MTA3: variants seen among roughly 807,000 people sequenced by gnomAD.
MTA3 encodes the protein metastasis associated 1 family member 3.
A neutral mutation model predicts 83.5 loss-of-function variants in MTA3; 34 were observed. That is an observed-to-expected ratio of 0.41 (90% CI 0.31 to 0.54). The LOEUF (loss-of-function observed/expected upper bound fraction) is 0.54, where lower values mean the gene tolerates loss of function less well. MTA3 is among the 20% of genes least tolerant of loss of function. The pLI is 0.33. For synonymous variants in MTA3, 303 were observed against 252.7 expected, an observed-to-expected ratio of 1.20 and a Z score of -1.89; for missense variants, 761 against 726.4, an observed-to-expected ratio of 1.05 and a Z score of -0.55.
In MTA3 at chr2:42,722,953, C is replaced by G; in HGVS notation, c.1677C>G (p.Thr559=). 2 of 1,551,170 alleles carry G rather than the reference C, an allele frequency of 1.3e-6. No individual in the cohort carries two copies. The highest frequency in any genetic ancestry group is 1.4e-5 in the African/African-American group (1 of 73,160). The part of the protein sequence containing the change: ...RSTPSLQTPT[T]KRMLTTPNHT... ...CACCAAGCCTGCAAACCCCAACTAC[C>G]AAGCGGATGCTAACAACTCCAAATC... The change falls in exon 16 of 17, where the codon ACC becomes ACG. Residue 559 remains threonine, a synonymous_variant. Coordinates refer to ENST00000405094, the MANE Select transcript of MTA3 (RefSeq NM_001330442.2).
At chr2:42,577,091 T>TAAAA (rs1173783991) in intron 2 of MTA3, among the ~76,000 whole-genome samples, 2,524 of 18,806 alleles carry the variant, frequency 0.13, 234 homozygotes, top group Admixed American at 0.22. Flanking sequence ...GTACTCCATC[T>TAAAA]AAAAAAAAAA....
intron 3 of MTA3, among the ~76,000 whole-genome samples, chr2:42,599,116 C>T (rs529337628): frequency 6.6e-6 from 1 of 152,296 alleles, no homozygotes; most frequent in African/African-American, 2.4e-5. Flanking sequence ...CATATCCTTT[C>T]AGTGTACCTC....
At chr2:42,653,277 C>T (rs1178545132) in intron 6 of MTA3, among the ~76,000 whole-genome samples, 2 of 151,932 alleles carry the variant, frequency 1.3e-5, no homozygotes, top group African/African-American at 4.8e-5. Context: ...TGGAATTGCC[C>T]AGATTATCAT....
chr2:42,649,959 G>A (rs540814850), intron 6 of MTA3, among the ~76,000 whole-genome samples: 38 of 152,258 alleles, frequency 2.5e-4, no homozygotes, highest in African/African-American at 8.9e-4. Flanking sequence ...GTTTTATTAT[G>A]ATTGTTACTT....
At chr2:42,723,186 A>C (rs753640651) in intron 16 of MTA3, 151 bp downstream of exon 16, 4 of 962,470 alleles carry the variant, frequency 4.2e-6, no homozygotes, top group Middle Eastern at 4.8e-4. Flanking sequence ...ATACAGCCAT[A>C]TGCCACATTT....
chr2:42,743,653 G>A (rs1669198188), intron 16 of MTA3, among the ~76,000 whole-genome samples: 2 of 152,316 alleles, frequency 1.3e-5, no homozygotes, highest in South Asian at 4.1e-4. Flanking sequence ...GGTATCTAAT[G>A]TAGATGACTC....
Position 42,656,184 on chromosome 2 carries a change from A to G in MTA3, c.500-16A>G. On this transcript the variant is annotated splice_polypyrimidine_tract_variant and intron_variant, in intron 6 of 16. Coordinates refer to ENST00000405094, the MANE Select transcript of MTA3 (RefSeq NM_001330442.2). ...CTTGTCAGTAACAAGACTCCATTTT[A>G]TTTATTTTTGGACAGGAGAATCAGA... The G allele has an allele frequency of 1.3e-6, 2 of 1,593,312 alleles. No individual in the cohort carries two copies. The highest frequency in any genetic ancestry group is 1.7e-6 in the Non-Finnish European group (2 of 1,161,684).
intron 8 of MTA3, among the ~76,000 whole-genome samples, chr2:42,668,119 C>T (rs1690463322): frequency 1.3e-5 from 2 of 152,154 alleles, no homozygotes; most frequent in African/African-American, 4.8e-5. Flanking sequence ...AGTGCAGCCA[C>T]ACTATGAGTT....
rs1038224338 is a variant in MTA3, at chr2:42,756,210, C to T, written c.*2811C>T. The T allele has an allele frequency of 4.7e-6, 1 of 211,584 alleles. No homozygotes were observed. Among genetic ancestry groups the T allele is most frequent in the Non-Finnish European group, 8.2e-6 (1 of 122,396 alleles). 13.1% of individuals were successfully genotyped at this position (211,584 alleles called of 1,614,324 possible). On this transcript the variant is annotated 3_prime_UTR_variant, in exon 17 of 17. Coordinates refer to ENST00000405094, the MANE Select transcript of MTA3 (RefSeq NM_001330442.2). ...CGTCACCAGAGCCTGGGGCCAAGGCCACTGGGGGACCTGCCACACTGTGGA... is the reference window on the plus strand; with the variant it reads ...CGTCACCAGAGCCTGGGGCCAAGGCTACTGGGGGACCTGCCACACTGTGGA...
intron 16 of MTA3, among the ~76,000 whole-genome samples, chr2:42,728,787 C>T (rs541054419): frequency 6.6e-6 from 1 of 152,084 alleles, no homozygotes; most frequent in Non-Finnish European, 1.5e-5. Flanking sequence ...CACCTTTTGC[C>T]CATTTTTAAT....
chr2:42,621,276 C>A (rs932511351), intron 4 of MTA3, among the ~76,000 whole-genome samples: 1 of 152,154 alleles, frequency 6.6e-6, no homozygotes, highest in Non-Finnish European at 1.5e-5. Flanking sequence ...GAGGACCCTG[C>A]AGCCTTCTGC....
At chr2:42,717,966 C>T (rs1667144005) in intron 14 of MTA3, among the ~76,000 whole-genome samples, 2 of 152,048 alleles carry the variant, frequency 1.3e-5, no homozygotes, top group Admixed American at 1.3e-4. Context: ...TGTAGAAATG[C>T]CATGGCTAGA....
rs1247495284 is a variant in MTA3, at chr2:42,605,025, T to TC, written c.191-4429dup. On this transcript the variant is annotated intron_variant, in intron 3 of 16. Coordinates refer to ENST00000405094, the MANE Select transcript of MTA3 (RefSeq NM_001330442.2). ...GCAACCATCCGATTTCTCAATCTTT[T>TC]CCCCACCTTTCCCGCCTTTCTATTC... Among the ~76,000 whole-genome samples, 4 of 150,824 alleles carry TC rather than the reference T, an allele frequency of 2.7e-5. No homozygotes were observed. In the South Asian group the frequency reaches 6.3e-4, roughly 24 times the overall value.
intron 10 of MTA3, 73 bp downstream of exon 10, chr2:42,695,912 G>A (rs2104472007): frequency 1.0e-6 from 1 of 1,001,520 alleles, no homozygotes; most frequent in Non-Finnish European, 1.5e-6. Flanking sequence ...AATATTTTTT[G>A]GCGATGTACT....
intron 2 of MTA3, among the ~76,000 whole-genome samples, chr2:42,571,699 G>A (rs1460085807): frequency 6.6e-6 from 1 of 152,164 alleles, no homozygotes; most frequent in Non-Finnish European, 1.5e-5. Context: ...TGTAATCCCA[G>A]CACTTTGGGA....
At chr2:42,512,264 T>C (rs1026214833) in intron 2 of MTA3, among the ~76,000 whole-genome samples, 1 of 151,924 alleles carries the variant, frequency 6.6e-6, no homozygotes, top group Non-Finnish European at 1.5e-5. Flanking sequence ...AGGCCTGAGT[T>C]TGAAAAAAGA....
At chr2:42,499,153 T>C (rs1674280804) in intron 2 of MTA3, among the ~76,000 whole-genome samples, 1 of 152,038 alleles carries the variant, frequency 6.6e-6, no homozygotes, top group East Asian at 1.9e-4. Context: ...TACTTAAGCA[T>C]TTGCTAAGAG....
At chr2:42,541,468 T>C (rs1676514473) in intron 2 of MTA3, among the ~76,000 whole-genome samples, 1 of 152,244 alleles carries the variant, frequency 6.6e-6, no homozygotes, top group Admixed American at 6.5e-5. Flanking sequence ...TACAGTGTAC[T>C]GTTCTCAATA....
chr2:42,590,593 C>T (rs1274565792), intron 3 of MTA3, among the ~76,000 whole-genome samples: 4 of 147,912 alleles, frequency 2.7e-5, no homozygotes, highest in Non-Finnish European at 3.0e-5. Context: ...AGAAACTGGG[C>T]TTGCTTTTTT....
Sources: gnomAD v4.1 joint callset for allele counts (sites outside exome capture counted in the v4.1 genomes callset) on GRCh38, gnomAD v4.1.1 for gene constraint, MANE v1.5 for transcripts, NCBI Gene and HGNC (gene_info 2026-07-23, HGNC 2026-07-21) for gene names.